Variants in EXOC4 observed in about 807,000 individuals in gnomAD.
EXOC4 encodes the protein SEC8-like 1.
In EXOC4, 71 loss-of-function variants were observed where a neutral mutation model predicts 107.2. The observed-to-expected ratio is 0.66, with a 90% CI of 0.55 to 0.81. EXOC4 has a LOEUF of 0.81. Ranked by LOEUF, EXOC4 falls within the 30% of genes least tolerant of loss-of-function variation. The pLI, the probability that EXOC4 is intolerant of heterozygous loss-of-function variation, is 0.00. For synonymous variants in EXOC4, 456 were observed against 441.2 expected, an observed-to-expected ratio of 1.03 and a Z score of -0.42; for missense variants, 1,108 against 1,189.6, an observed-to-expected ratio of 0.93 and a Z score of 1.01.
the EXOC4 span, among the ~76,000 whole-genome samples, chr7:134,100,804 C>T: frequency 7.7e-6 from 1 of 129,494 alleles, no homozygotes; most frequent in African/African-American, 2.7e-5. Flanking sequence ...ACTAGCTGGG[C>T]GTGGTGGCAT....
At chr7:133,297,995 G>C (rs1412318233) in intron 3 of EXOC4, among the ~76,000 whole-genome samples, 2 of 152,190 alleles carry the variant, frequency 1.3e-5, no homozygotes, top group Non-Finnish European at 2.9e-5. Context: ...TGGCCAGATG[G>C]GAACTAGATG....
intron 7 of EXOC4, among the ~76,000 whole-genome samples, chr7:133,416,476 T>C (rs547148667): frequency 6.6e-6 from 1 of 152,334 alleles, no homozygotes; most frequent in African/African-American, 2.4e-5. Context: ...TAAGGAATAA[T>C]GGTTTCTATA....
chr7:133,944,206 C>G (rs1452241362), intron 14 of EXOC4, among the ~76,000 whole-genome samples: 1 of 152,116 alleles, frequency 6.6e-6, no homozygotes, highest in Non-Finnish European at 1.5e-5. Context: ...GTTCTAGGAT[C>G]TCATCCAGGA....
intron 9 of EXOC4, among the ~76,000 whole-genome samples, chr7:133,542,373 C>A (rs1207531362): frequency 1.3e-5 from 2 of 152,132 alleles, no homozygotes; most frequent in African/African-American, 4.8e-5. Context: ...TTCTTCCTAT[C>A]CTCTCTGAGC....
chr7:133,874,056 G>A (rs942099894), intron 11 of EXOC4, among the ~76,000 whole-genome samples: 2 of 152,158 alleles, frequency 1.3e-5, no homozygotes, highest in Non-Finnish European at 2.9e-5. Flanking sequence ...TAGGAAATAT[G>A]ACTCATCTCC....
intron 10 of EXOC4, among the ~76,000 whole-genome samples, chr7:133,754,585 C>T (rs1191458833): frequency 6.6e-6 from 1 of 152,148 alleles, no homozygotes; most frequent in African/African-American, 2.4e-5. Context: ...CTACTATATA[C>T]TGTTAACATT....
At chr7:133,747,461 A>G (rs1438180177) in intron 10 of EXOC4, among the ~76,000 whole-genome samples, 1 of 152,130 alleles carries the variant, frequency 6.6e-6, no homozygotes, top group Non-Finnish European at 1.5e-5. Flanking sequence ...TATTTTTCTT[A>G]CAGGGAATAA....
In EXOC4 at chr7:134,020,517, G is replaced by C. The variant is rs112052384; in HGVS notation, c.2687+12682G>C. 2.1e-3 allele frequency among the ~76,000 whole-genome samples: 314 copies of C among 152,286 alleles called. 1 individual carries two copies. Among genetic ancestry groups the C allele is most frequent in the African/African-American group, 7.3e-3 (303 of 41,564 alleles). Reference sequence around the variant, plus strand: ...TTAAATTATTAAAATGACACACAAGGTGGTCACCATTATTACTCTCAGTTA... The same window carrying C: ...TTAAATTATTAAAATGACACACAAGCTGGTCACCATTATTACTCTCAGTTA... On this transcript the variant is annotated intron_variant, in intron 17 of 17. Coordinates refer to ENST00000253861, the MANE Select transcript of EXOC4 (RefSeq NM_021807.4).
At chr7:133,959,816 CAG>C (rs767221549) in intron 14 of EXOC4, among the ~76,000 whole-genome samples, 1 of 152,024 alleles carries the variant, frequency 6.6e-6, no homozygotes, top group African/African-American at 2.4e-5. Context: ...AAAAAACTAT[CAG>C]ATTCTAAGAA....
At chr7:133,822,676 G>T (rs1264129186) in intron 11 of EXOC4, among the ~76,000 whole-genome samples, 1 of 152,186 alleles carries the variant, frequency 6.6e-6, no homozygotes, top group East Asian at 1.9e-4. Context: ...GGGAGCATCA[G>T]TGTGGCCTGG....
intron 14 of EXOC4, among the ~76,000 whole-genome samples, chr7:133,963,933 A>G (rs1315636837): frequency 2.6e-5 from 4 of 152,210 alleles, no homozygotes; most frequent in African/African-American, 9.7e-5. Context: ...ACAGACAATT[A>G]TGGAGAAAAG....
intron 2 of EXOC4, among the ~76,000 whole-genome samples, chr7:133,285,491 C>T (rs2150539859): frequency 6.6e-6 from 1 of 152,232 alleles, no homozygotes; most frequent in East Asian, 1.9e-4. Flanking sequence ...GTATATCATT[C>T]CTTTGTCTTC....
At chr7:133,766,256 A>G (rs1484086820) in intron 10 of EXOC4, among the ~76,000 whole-genome samples, 1 of 152,036 alleles carries the variant, frequency 6.6e-6, no homozygotes, top group Non-Finnish European at 1.5e-5. Flanking sequence ...GACATATTAC[A>G]ATTACTTTGT....
chr7:133,545,719 T>A (rs1232521764), intron 9 of EXOC4, among the ~76,000 whole-genome samples: 1 of 152,214 alleles, frequency 6.6e-6, no homozygotes, highest in East Asian at 1.9e-4. Context: ...TCTGTCTGCA[T>A]CCTTTCTTCA....
chr7:133,600,547 T>C (rs1268960909), intron 9 of EXOC4, among the ~76,000 whole-genome samples: 6 of 152,218 alleles, frequency 3.9e-5, no homozygotes, highest in Non-Finnish European at 7.3e-5. Flanking sequence ...AGAATCGATG[T>C]TGCAAATTTT....
chr7:134,048,142 G>A (rs1466876333), intron 17 of EXOC4, among the ~76,000 whole-genome samples: 3 of 152,328 alleles, frequency 2.0e-5, no homozygotes, highest in Non-Finnish European at 2.9e-5. Context: ...TTTGGGTGGT[G>A]CCAGCAGATC....
intron 10 of EXOC4, among the ~76,000 whole-genome samples, chr7:133,707,821 G>A (rs915762837): frequency 6.6e-6 from 1 of 151,972 alleles, no homozygotes; most frequent in Non-Finnish European, 1.5e-5. Context: ...TTGCCATGTT[G>A]GGCAGGCTGG....
chr7:133,903,416 G>C (rs149658697), intron 12 of EXOC4, among the ~76,000 whole-genome samples: 1 of 152,226 alleles, frequency 6.6e-6, no homozygotes, highest in Non-Finnish European at 1.5e-5. Flanking sequence ...GGTAGCAGCA[G>C]AGATGGAGGG....
At chr7:133,396,765 C>T (rs1479171675) in intron 7 of EXOC4, among the ~76,000 whole-genome samples, 1 of 152,158 alleles carries the variant, frequency 6.6e-6, no homozygotes, top group Admixed American at 6.5e-5. Context: ...TACAGAGAAG[C>T]TTCCCACTTC....
Sources: gnomAD v4.1 joint callset for allele counts (sites outside exome capture counted in the v4.1 genomes callset) on GRCh38, gnomAD v4.1.1 for gene constraint, MANE v1.5 for transcripts, NCBI Gene and HGNC (gene_info 2026-07-23, HGNC 2026-07-21) for gene names.